BMPR1B: variants seen among roughly 807,000 people sequenced by gnomAD.
The protein encoded by BMPR1B is bone morphogenetic protein receptor type 1B, also known as bone morphogenetic protein receptor type-1B.
In BMPR1B, 12 loss-of-function variants were observed where a neutral mutation model predicts 59.1. The observed-to-expected ratio is 0.20, with a 90% confidence interval of 0.13 to 0.33. The LOEUF (loss-of-function observed/expected upper bound fraction) is 0.33. BMPR1B is among the 10% of genes least tolerant of loss of function. The pLI is 1.00. For synonymous variants in BMPR1B, 237 were observed against 207.3 expected (o/e 1.14, Z -1.23); for missense variants, 550 against 610.9 (o/e 0.90, Z 1.05).
rs77868140 is a variant in BMPR1B, at chr4:94,924,214, A to G, written c.-113+48314A>G. 7.2e-3 allele frequency among the ~76,000 whole-genome samples: 1,090 copies of G among 152,248 alleles called. 9 individuals are homozygous for G. Among genetic ancestry groups the G allele is most frequent in the African/African-American group, 0.02 (845 of 41,554 alleles). On this transcript the variant is annotated intron_variant, in intron 2 of 12. Coordinates refer to ENST00000515059, the MANE Select transcript of BMPR1B (RefSeq NM_001203.3). ...GCTTCAGAATTACTGAAACTATTCT[A>G]TTGGCTGAATTATTTTATTGTTTAT... is the stretch of plus-strand genomic sequence containing the variant.
chr4:95,130,244 C>A (rs1733230001), intron 9 of BMPR1B, among the ~76,000 whole-genome samples, 190 bp downstream of exon 9: 1 of 152,114 alleles, frequency 6.6e-6, no homozygotes, highest in Admixed American at 6.5e-5. Context: ...TAAGGCACTT[C>A]TGTGAGTAAG....
At chr4:94,766,475 C>A (rs1363418342) in intron 1 of BMPR1B, among the ~76,000 whole-genome samples, 5 of 150,684 alleles carry the variant, frequency 3.3e-5, no homozygotes, top group Non-Finnish European at 5.9e-5. Flanking sequence ...CTTCACTACC[C>A]AGAAAACGAC....
At chr4:95,101,042 T>C (rs1730784145) in intron 3 of BMPR1B, among the ~76,000 whole-genome samples, 1 of 152,168 alleles carries the variant, frequency 6.6e-6, no homozygotes, top group Non-Finnish European at 1.5e-5. Context: ...AAGAACTGAC[T>C]GGAAGCTCTG....
chr4:94,915,166 T>G (rs1166808927), intron 2 of BMPR1B, among the ~76,000 whole-genome samples: 3 of 152,236 alleles, frequency 2.0e-5, no homozygotes, highest in African/African-American at 7.2e-5. Context: ...TATCACAGAT[T>G]AAATCACCTT....
chr4:95,012,473 A>G (rs1365109218), intron 3 of BMPR1B, among the ~76,000 whole-genome samples: 1 of 151,642 alleles, frequency 6.6e-6, no homozygotes, highest in East Asian at 1.9e-4. Flanking sequence ...AATATGTTGT[A>G]ATTAATTAAT....
chr4:94,854,586 A>G (rs772913424), intron 1 of BMPR1B, among the ~76,000 whole-genome samples: 6 of 152,192 alleles, frequency 3.9e-5, no homozygotes, highest in Non-Finnish European at 8.8e-5. Context: ...CTATGCATTT[A>G]TATGTAAAAT....
intron 2 of BMPR1B, among the ~76,000 whole-genome samples, chr4:94,928,839 T>C (rs535509718): frequency 6.2e-4 from 94 of 152,254 alleles, no homozygotes; most frequent in South Asian, 1.2e-3. Context: ...GTCATTTATG[T>C]CATACAGAAT....
intron 3 of BMPR1B, among the ~76,000 whole-genome samples, chr4:95,049,419 G>GTTTTTTTTTTTTTT (rs761496965): frequency 5.2e-5 from 4 of 77,404 alleles, no homozygotes; most frequent in Non-Finnish European, 7.2e-5. Context: ...CAGCATAAAA[G>GTTTTTTTTTTTTTT]TTTTTTTTTT....
chr4:94,852,382 GA>G (rs1162540248), intron 1 of BMPR1B, among the ~76,000 whole-genome samples: 1 of 152,040 alleles, frequency 6.6e-6, no homozygotes, highest in Non-Finnish European at 1.5e-5. Flanking sequence ...GTCTAATTTT[GA>G]GGAATGATAG....
At chr4:95,040,468 T>G (rs1436779733) in intron 3 of BMPR1B, among the ~76,000 whole-genome samples, 1 of 152,216 alleles carries the variant, frequency 6.6e-6, no homozygotes, top group Non-Finnish European at 1.5e-5. Flanking sequence ...GCAATCCTTT[T>G]TAAGAAATTG....
intron 2 of BMPR1B, among the ~76,000 whole-genome samples, chr4:94,940,805 G>A (rs932646265): frequency 3.3e-5 from 5 of 152,068 alleles, no homozygotes; most frequent in African/African-American, 1.2e-4. Flanking sequence ...GCTTGCTCTC[G>A]CAGTCCTCTT....
intron 2 of BMPR1B, among the ~76,000 whole-genome samples, chr4:94,940,865 G>T (rs1430778612): frequency 1.3e-5 from 2 of 151,652 alleles, no homozygotes; most frequent in Non-Finnish European, 2.9e-5. Flanking sequence ...CTTTTAACTG[G>T]TTTCTCTGCT....
intron 4 of BMPR1B, among the ~76,000 whole-genome samples, chr4:95,111,661 C>G (rs1172813919): frequency 6.6e-6 from 1 of 152,026 alleles, no homozygotes; most frequent in Non-Finnish European, 1.5e-5. Flanking sequence ...AGTTTTAAAA[C>G]AGGTAGACAC....
chr4:94,806,957 TAATA>T (rs1333147228), intron 1 of BMPR1B, among the ~76,000 whole-genome samples: 5 of 152,270 alleles, frequency 3.3e-5, no homozygotes, highest in Non-Finnish European at 5.9e-5. Context: ...AATAAGTTCA[TAATA>T]AATAATAAAT....
chr4:95,007,900 A>G (rs1447037899), intron 3 of BMPR1B, among the ~76,000 whole-genome samples: 3 of 152,314 alleles, frequency 2.0e-5, no homozygotes, highest in Admixed American at 6.5e-5. Flanking sequence ...ATTTAAGAAA[A>G]AAGTTATGAG....
Position 94,766,407 on chromosome 4 carries a change from C to CT in BMPR1B, c.-183+8357dup, listed in dbSNP as rs33979041. 7.8e-3 allele frequency among the ~76,000 whole-genome samples: 1,039 copies of CT among 133,162 alleles called. 6 individuals carry two copies. The highest frequency in any genetic ancestry group is 0.02 in the African/African-American group (711 of 36,080). The allele number at this position is 133,162 out of a possible 152,430, so 87.4% of individuals were successfully genotyped here. ...CATAGAACAGGAAACCGGCTCCTGT[C>CT]TTTTTTTTTTTTTTTTTTAAACTCT... On this transcript the variant is annotated intron_variant, in intron 1 of 12. Coordinates refer to ENST00000515059, the MANE Select transcript of BMPR1B (RefSeq NM_001203.3).
intron 1 of BMPR1B, among the ~76,000 whole-genome samples, chr4:94,859,567 TAGAA>T (rs1423859603): frequency 1.3e-5 from 2 of 152,168 alleles, no homozygotes; most frequent in Admixed American, 6.5e-5. Context: ...AGAATAAAGA[TAGAA>T]AGCACTGGAA....
At chr4:95,026,098 A>ATCTCTTTCTTTCTTTC (rs1724340071) in intron 3 of BMPR1B, among the ~76,000 whole-genome samples, 1 of 101,622 alleles carries the variant, frequency 9.8e-6, no homozygotes, top group Non-Finnish European at 2.1e-5. Flanking sequence ...GCTTTCTTTC[A>ATCTCTTTCTTTCTTTC]TTTCTTTCTT....
At chr4:95,031,163 C>T (rs1320454425) in intron 3 of BMPR1B, among the ~76,000 whole-genome samples, 1 of 152,014 alleles carries the variant, frequency 6.6e-6, no homozygotes, top group Non-Finnish European at 1.5e-5. Context: ...GTACTGGTAC[C>T]AAAACAGAGA....
Sources: allele counts gnomAD v4.1 joint callset (sites outside exome capture counted in the v4.1 genomes callset), GRCh38; gene constraint gnomAD v4.1.1; transcripts MANE v1.5; gene names NCBI Gene and HGNC (gene_info 2026-07-23, HGNC 2026-07-21).